FRZB: variants seen among roughly 807,000 people sequenced by gnomAD.
The protein encoded by FRZB is secreted frizzled-related protein 3.
A neutral mutation model predicts 32.5 loss-of-function variants in FRZB; 34 were observed. The ratio of observed to expected loss-of-function variants is 1.05; its 90% CI spans 0.80 to 1.39. The LOEUF is 1.39. FRZB is among the 40% of genes most tolerant of loss of function. The pLI, the probability that FRZB is intolerant of heterozygous loss-of-function variation, is 0.00. For synonymous variants in FRZB, 170 were observed against 159.2 expected (o/e 1.07, Z -0.51); for missense variants, 423 against 424.8 (o/e 1.00, Z 0.04).
chr2:182,837,968 G>A lies in FRZB; in HGVS notation c.841C>T (p.Arg281Ter), dbSNP rs370835746. The change falls in exon 5 of 6, where the codon CGA (arginine) becomes TGA (stop). Residue 281 changes from arginine (R) to a stop codon, truncating the protein, a stop_gained. Transcript: ENST00000295113. LOFTEE classifies it high-confidence loss of function. ...EGSIAEKWKD[R>*]LGKKVKRWDM... ...CTTACCTTAACTTTTTTACCGAGTC[G>A]ATCCTTCCACTTCTCAGCTATAGAG... 8 of 1,611,268 alleles carry A rather than the reference G, an allele frequency of 5.0e-6. No individual in the cohort carries two copies. Among genetic ancestry groups the A allele is most frequent in the Middle Eastern group, 1.6e-4 (1 of 6,064 alleles).
Position 182,838,552 on chromosome 2 carries a change from C to T in FRZB, c.654G>A (p.Glu218=). 6.2e-7 allele frequency: 1 copy of T among 1,612,976 alleles called. No individual in the cohort carries two copies. The highest frequency in any genetic ancestry group is 8.5e-7 in the Non-Finnish European group (1 of 1,179,240). Residue 218 remains glutamate, a synonymous_variant, in exon 4 of 6, where the codon GAG becomes GAA. Coordinates refer to ENST00000295113, the MANE Select transcript of FRZB (RefSeq NM_001463.4). ...GAGAGGACTTTAGAATCTCCTTCAC[C>T]TCCACTACTGCAGTCACATCATGGC... is the stretch of plus-strand genomic sequence containing the variant. ...TKCHDVTAVV[E]VKEILKSSLV...
At chr2:182,838,326 G>A in intron 4 of FRZB, 83 bp downstream of exon 4, 1 of 1,147,384 alleles carries the variant, frequency 8.7e-7, no homozygotes, top group South Asian at 1.4e-5. Flanking sequence ...ATGTAAAAAT[G>A]CGAGGGTAGC....
chr2:182,852,929 T>C (rs1437932944), intron 2 of FRZB, among the ~76,000 whole-genome samples: 2 of 152,248 alleles, frequency 1.3e-5, no homozygotes, highest in African/African-American at 4.8e-5. Flanking sequence ...AAGAATTTCT[T>C]TTCCAAATTC....
At chr2:182,853,461 A>G (rs1695731932) in intron 2 of FRZB, among the ~76,000 whole-genome samples, 1 of 152,214 alleles carries the variant, frequency 6.6e-6, no homozygotes. Flanking sequence ...AACATAATAG[A>G]AGGAGTGACC....
In FRZB at chr2:182,834,888, C is replaced by T; in HGVS notation, c.939G>A (p.Lys313=). The T allele has an allele frequency of 6.2e-7, 1 of 1,613,522 alleles. No homozygotes were observed. The highest frequency in any genetic ancestry group is 8.5e-7 in the Non-Finnish European group (1 of 1,179,670). ...SSNSDSTQSQ[K]SGRNSNPRQA... Reference sequence around the variant, plus strand: ...GCCGGGGGTTCGAGTTCCTGCCAGACTTCTGACTCTGAGTGGAATCACTAT... The same window carrying T: ...GCCGGGGGTTCGAGTTCCTGCCAGATTTCTGACTCTGAGTGGAATCACTAT... Residue 313 remains lysine, a synonymous_variant, in exon 6 of 6, where the codon AAG becomes AAA. Transcript: ENST00000295113.
intron 3 of FRZB, among the ~76,000 whole-genome samples, 169 bp from the exon 4 acceptor site, chr2:182,838,782 A>G (rs1046849052): frequency 3.9e-5 from 6 of 152,216 alleles, no homozygotes; most frequent in Non-Finnish European, 7.4e-5. Context: ...AGTGTGTGAC[A>G]TAAAACAACA....
At chr2:182,836,371 T>C (rs1264359360) in intron 5 of FRZB, among the ~76,000 whole-genome samples, 2 of 152,100 alleles carry the variant, frequency 1.3e-5, no homozygotes, top group South Asian at 4.1e-4. Context: ...AAGGAGATTT[T>C]CTACCCAAAC....
intron 2 of FRZB, among the ~76,000 whole-genome samples, chr2:182,853,540 A>G (rs1391224545): frequency 1.3e-5 from 2 of 152,196 alleles, no homozygotes; most frequent in African/African-American, 4.8e-5. Context: ...AAACATTATC[A>G]ATTATATAAA....
intron 2 of FRZB, among the ~76,000 whole-genome samples, chr2:182,847,621 T>C (rs1695660663): frequency 6.6e-6 from 1 of 152,164 alleles, no homozygotes; most frequent in South Asian, 2.1e-4. Context: ...GACAAGTTTG[T>C]AAATTGGTTG....
intron 2 of FRZB, among the ~76,000 whole-genome samples, chr2:182,858,027 GAAC>G (rs1404097086): frequency 6.6e-6 from 1 of 152,136 alleles, no homozygotes; most frequent in African/African-American, 2.4e-5. Context: ...CAAAGATATA[GAAC>G]AACTGGAACT....
chr2:182,857,145 A>G (rs1309921449), intron 2 of FRZB, among the ~76,000 whole-genome samples: 1 of 152,188 alleles, frequency 6.6e-6, no homozygotes, highest in African/African-American at 2.4e-5. Context: ...AGCAAAGATA[A>G]TAGGAAAATC....
intron 2 of FRZB, among the ~76,000 whole-genome samples, chr2:182,856,580 T>C (rs1198694483): frequency 6.6e-5 from 10 of 152,008 alleles, no homozygotes; most frequent in African/African-American, 9.7e-5. Context: ...CTACAAGAAA[T>C]GTATTTAAAA....
intron 2 of FRZB, among the ~76,000 whole-genome samples, chr2:182,851,685 A>C: frequency 6.6e-6 from 1 of 152,136 alleles, no homozygotes; most frequent in Non-Finnish European, 1.5e-5. Flanking sequence ...AAAAACAAAA[A>C]AAAAACAACT....
chr2:182,860,426 T>G (rs1695818384), intron 1 of FRZB, among the ~76,000 whole-genome samples: 1 of 152,068 alleles, frequency 6.6e-6, no homozygotes, highest in Non-Finnish European at 1.5e-5. Context: ...ACCATTATCA[T>G]CCTATGGCCA....
At chr2:182,842,199 A>G (rs899781071) in intron 3 of FRZB, among the ~76,000 whole-genome samples, 17 of 152,146 alleles carry the variant, frequency 1.1e-4, no homozygotes, top group South Asian at 8.3e-4. Context: ...GAAGAGTCCC[A>G]TGTATCTTGA....
chr2:182,847,825 T>C (rs1453951154), intron 2 of FRZB, among the ~76,000 whole-genome samples: 2 of 152,206 alleles, frequency 1.3e-5, no homozygotes, highest in South Asian at 2.1e-4. Flanking sequence ...GCAATCTTGA[T>C]TGTCTATTTG....
rs1574985157 is a variant in FRZB, at chr2:182,848,009, A to G, written c.527-5466T>C. On this transcript the variant is annotated intron_variant, in intron 2 of 5. Transcript: ENST00000295113. ...TAGACCATGATATCTCACATAGACA[A>G]GAAGGCCAGAGGCTTAGCAGATAGT... Among the ~76,000 whole-genome samples the G allele has an allele frequency of 2.0e-5, 3 of 152,046 alleles. No individual in the cohort carries two copies. In the South Asian group the frequency reaches 6.2e-4, roughly 32 times the overall value.
Position 182,838,269 on chromosome 2 carries a change from C to A in FRZB, c.797+140G>T, listed in dbSNP as rs566297178. 6 of 760,022 alleles carry A rather than the reference C, an allele frequency of 7.9e-6. No homozygotes were observed. The South Asian group carries it at 9.3e-5, about 12-fold the overall frequency. 47.1% of individuals were successfully genotyped at this position (760,022 alleles called of 1,614,324 possible). ...CCATTCCATATATGAAATCAAGAAACCCAACTAAAACTTATCTGTAATCCC... is the reference window on the plus strand; with the variant it reads ...CCATTCCATATATGAAATCAAGAAAACCAACTAAAACTTATCTGTAATCCC... On this transcript the variant is annotated intron_variant, in intron 4 of 5. Transcript: ENST00000295113.
Position 182,834,891 on chromosome 2 carries a change from C to A in FRZB, c.936G>T (p.Gln312His). The change falls in exon 6 of 6, where the codon CAG (glutamine) becomes CAT (histidine). Residue 312 changes from glutamine (Q) to histidine (H), a missense_variant. Physicochemically the swap from Gln to His is conservative, Grantham distance 24 (BLOSUM62 0). Transcript: ENST00000295113. ...GGGGGTTCGAGTTCCTGCCAGACTT[C>A]TGACTCTGAGTGGAATCACTATTGC... ...DSSNSDSTQS[Q>H]KSGRNSNPRQ... 1.9e-6 allele frequency: 3 copies of A among 1,613,552 alleles called. No individual in the cohort carries two copies. The highest frequency in any genetic ancestry group is 2.5e-6 in the Non-Finnish European group (3 of 1,179,670).
Sources: gnomAD v4.1 joint callset for allele counts (sites outside exome capture counted in the v4.1 genomes callset) on GRCh38, gnomAD v4.1.1 for gene constraint, MANE v1.5 for transcripts, NCBI Gene and HGNC (gene_info 2026-07-23, HGNC 2026-07-21) for gene names.